Variants in DRC11 observed in about 807,000 individuals in gnomAD.
The protein encoded by DRC11 is IQ and AAA domain-containing protein 1.
chr2:236,472,173 T>C, the DRC11 span, among the ~76,000 whole-genome samples: 1 of 152,132 alleles, frequency 6.6e-6, no homozygotes, highest in Non-Finnish European at 1.5e-5. This position sits in a 1 kb window ranked among gnomAD's most constrained non-coding sequence, Gnocchi z 4.6. Context: ...CAGGCGTCCT[T>C]CTTGAAATTC....
chr2:236,388,395 G>A, the DRC11 span, among the ~76,000 whole-genome samples: 2,225 of 147,938 alleles, frequency 0.015, 51 homozygotes, highest in East Asian at 0.11. Context: ...TTCCCTTCTC[G>A]CTTCATTTCA....
chr2:236,468,122 G>T, the DRC11 span, among the ~76,000 whole-genome samples: 1 of 152,084 alleles, frequency 6.6e-6, no homozygotes. Context: ...TTGGAGACAA[G>T]GTCTCACTCT....
chr2:236,470,429 C>T, the DRC11 span, among the ~76,000 whole-genome samples: 1 of 152,080 alleles, frequency 6.6e-6, no homozygotes, highest in Non-Finnish European at 1.5e-5. The surrounding 1 kb of genome is among the most constrained non-coding windows in gnomAD (Gnocchi z 5.1). Flanking sequence ...ACCACGGCCC[C>T]CCTGGACACC....
At chr2:236,337,583 C>T in the DRC11 span, among the ~76,000 whole-genome samples, 3 of 152,198 alleles carry the variant, frequency 2.0e-5, no homozygotes, top group Admixed American at 2.0e-4. This position sits in a 1 kb window ranked among gnomAD's most constrained non-coding sequence, Gnocchi z 4.9. Context: ...GGGGCAGAGC[C>T]AGGATTCTGA....
chr2:236,329,180 C>T, the DRC11 span, among the ~76,000 whole-genome samples: 4 of 152,214 alleles, frequency 2.6e-5, no homozygotes, highest in Non-Finnish European at 5.9e-5. Context: ...TTGGACTCAC[C>T]AGGATAATTC....
the DRC11 span, among the ~76,000 whole-genome samples, chr2:236,404,692 T>C: frequency 6.6e-6 from 1 of 152,238 alleles, no homozygotes; most frequent in Non-Finnish European, 1.5e-5. Flanking sequence ...TCCTCCTATC[T>C]TTTTAATGCA....
chr2:236,307,886 C>T, the DRC11 span, among the ~76,000 whole-genome samples: 1 of 152,234 alleles, frequency 6.6e-6, no homozygotes, highest in Non-Finnish European at 1.5e-5. The surrounding 1 kb of genome is among the most constrained non-coding windows in gnomAD (Gnocchi z 7.0). Flanking sequence ...TTTAAATGCA[C>T]AGTGACACAG....
chr2:236,395,246 G>A, the DRC11 span, among the ~76,000 whole-genome samples: 3 of 152,260 alleles, frequency 2.0e-5, no homozygotes, highest in Non-Finnish European at 4.4e-5. Context: ...CAGGTGTGAC[G>A]ACAAGAGGGG....
At chr2:236,322,679 A>C in the DRC11 span, among the ~76,000 whole-genome samples, 2 of 152,206 alleles carry the variant, frequency 1.3e-5, no homozygotes, top group African/African-American at 4.8e-5. Flanking sequence ...GTGTGCTAGG[A>C]AAAAGGGAGT....
At chr2:236,450,191 A>C in the DRC11 span, among the ~76,000 whole-genome samples, 1 of 151,456 alleles carries the variant, frequency 6.6e-6, no homozygotes. Flanking sequence ...TTGACTTTAT[A>C]ATTTTTACAG....
the DRC11 span, chr2:236,332,731 C>T: frequency 2.0e-5 from 3 of 152,150 alleles, no homozygotes; most frequent in Non-Finnish European, 4.4e-5. This position sits in a 1 kb window ranked among gnomAD's most constrained non-coding sequence, Gnocchi z 5.1. Flanking sequence ...TATAATGTAA[C>T]TATGAACCAA....
the DRC11 span, among the ~76,000 whole-genome samples, chr2:236,506,816 T>A: frequency 6.6e-6 from 1 of 152,244 alleles, no homozygotes; most frequent in African/African-American, 2.4e-5. The surrounding 1 kb of genome is among the most constrained non-coding windows in gnomAD (Gnocchi z 4.9). Flanking sequence ...CACTCGAGTC[T>A]GTGAAAAGCA....
At chr2:236,393,068 G>A in the DRC11 span, among the ~76,000 whole-genome samples, 1 of 152,302 alleles carries the variant, frequency 6.6e-6, no homozygotes, top group Admixed American at 6.5e-5. This position sits in a 1 kb window ranked among gnomAD's most constrained non-coding sequence, Gnocchi z 4.7. Context: ...GTGTGGAATA[G>A]CTGGATCCTC....
At chr2:236,362,233 A>G in the DRC11 span, among the ~76,000 whole-genome samples, 1 of 152,196 alleles carries the variant, frequency 6.6e-6, no homozygotes, top group Non-Finnish European at 1.5e-5. This position sits in a 1 kb window ranked among gnomAD's most constrained non-coding sequence, Gnocchi z 5.7. Flanking sequence ...AAATGAACCA[A>G]TGAAAACAAT....
the DRC11 span, among the ~76,000 whole-genome samples, chr2:236,353,794 CGGGGTTA>C: frequency 4.0e-5 from 6 of 151,156 alleles, no homozygotes; most frequent in South Asian, 8.4e-4. The surrounding 1 kb of genome is among the most constrained non-coding windows in gnomAD (Gnocchi z 5.0). Context: ...TGAGGTGCTG[CGGGGTTA>C]GGGGTTAGGG....
chr2:236,459,616 A>ATACACATACGTATATACGTATATAC, the DRC11 span, among the ~76,000 whole-genome samples: 4 of 130,874 alleles, frequency 3.1e-5, no homozygotes, highest in African/African-American at 1.1e-4. Context: ...TACGTATATA[A>ATACACATACGTATATACGTATATAC]GTATATACAT....
At chr2:236,407,108 G>A in the DRC11 span, among the ~76,000 whole-genome samples, 1 of 152,128 alleles carries the variant, frequency 6.6e-6, no homozygotes, top group South Asian at 2.1e-4. Flanking sequence ...ATGCATTTGC[G>A]ACAGCACTAG....
At chr2:236,309,502 G>C in the DRC11 span, among the ~76,000 whole-genome samples, 2 of 152,146 alleles carry the variant, frequency 1.3e-5, no homozygotes, top group South Asian at 4.1e-4. The surrounding 1 kb of genome is among the most constrained non-coding windows in gnomAD (Gnocchi z 5.7). Context: ...GGGGCAGGAG[G>C]AGGTGTGGAG....
At chr2:236,453,669 TC>T in the DRC11 span, among the ~76,000 whole-genome samples, 1 of 151,984 alleles carries the variant, frequency 6.6e-6, no homozygotes, top group African/African-American at 2.4e-5. The surrounding 1 kb of genome is among the most constrained non-coding windows in gnomAD (Gnocchi z 4.9). Context: ...AGATGGAGTC[TC>T]ACTCTGTCGC....
Sources: allele counts gnomAD v4.1 joint callset (sites outside exome capture counted in the v4.1 genomes callset), GRCh38; gene constraint gnomAD v4.1.1; non-coding constraint Gnocchi (gnomAD v3.1); transcripts MANE v1.5; gene names NCBI Gene and HGNC (gene_info 2026-07-23, HGNC 2026-07-21).